Variants in SNTG1 observed in about 807,000 individuals in gnomAD.
SNTG1 encodes gamma-1-syntrophin.
In SNTG1, 39 loss-of-function variants were observed where a neutral mutation model predicts 74.7. The observed-to-expected ratio is 0.52, with a 90% CI of 0.40 to 0.68. The LOEUF is 0.68. Ranked by LOEUF, SNTG1 falls within the 30% of genes least tolerant of loss-of-function variation. The probability of loss-of-function intolerance (pLI) is 0.00; values close to 1 mark genes in which losing one functional copy is unlikely to be tolerated. For synonymous variants in SNTG1, 254 were observed against 217.1 expected, an observed-to-expected ratio of 1.17 and a Z score of -1.49; for missense variants, 685 against 609.5, an observed-to-expected ratio of 1.12 and a Z score of -1.30.
In SNTG1 at chr8:50,587,040, A is replaced by G. The variant is rs558789437; in HGVS notation, c.811-3839A>G. Reference sequence around the variant, plus strand: ...GTCATACACATATGTCTACTTATGTATGCACATTAAACATAAAATCAATTT... The same window carrying G: ...GTCATACACATATGTCTACTTATGTGTGCACATTAAACATAAAATCAATTT... On this transcript the variant is annotated intron_variant, in intron 12 of 18. Coordinates refer to ENST00000642720, the MANE Select transcript of SNTG1 (RefSeq NM_018967.5). Among the ~76,000 whole-genome samples, 17 of 152,236 alleles carry G rather than the reference A, an allele frequency of 1.1e-4. No individual in the cohort carries two copies. In the South Asian group the frequency reaches 3.1e-3, roughly 28 times the overall value.
At chr8:50,307,320 T>G (rs941749045) in intron 2 of SNTG1, among the ~76,000 whole-genome samples, 3 of 152,114 alleles carry the variant, frequency 2.0e-5, no homozygotes, top group Non-Finnish European at 2.9e-5. Flanking sequence ...CCTAGGGTTA[T>G]ATGAGATATT....
intron 17 of SNTG1, among the ~76,000 whole-genome samples, chr8:50,719,666 A>G (rs1017531534): frequency 2.0e-5 from 3 of 152,174 alleles, no homozygotes; most frequent in African/African-American, 4.8e-5. Context: ...ACAGCATACC[A>G]TGACCAGTAG....
chr8:50,749,988 T>C (rs1227952741), intron 17 of SNTG1, among the ~76,000 whole-genome samples: 3 of 152,030 alleles, frequency 2.0e-5, no homozygotes, highest in Admixed American at 6.6e-5. Context: ...ATAGATAACA[T>C]AGATAAAGTG....
intron 1 of SNTG1, among the ~76,000 whole-genome samples, chr8:49,981,129 G>A (rs1433865980): frequency 6.6e-6 from 1 of 152,186 alleles, no homozygotes; most frequent in East Asian, 1.9e-4. Flanking sequence ...GCAGGCCAGG[G>A]TATTAATCTG....
At chr8:50,335,167 C>T (rs554188867) in intron 2 of SNTG1, among the ~76,000 whole-genome samples, 52 of 152,220 alleles carry the variant, frequency 3.4e-4, no homozygotes, top group African/African-American at 7.9e-4. Context: ...TGTGTTGTTT[C>T]TTCTCCTTGT....
intron 17 of SNTG1, among the ~76,000 whole-genome samples, chr8:50,736,432 T>C (rs538542726): frequency 6.6e-6 from 1 of 152,120 alleles, no homozygotes; most frequent in East Asian, 1.9e-4. Flanking sequence ...TAAAGCAAGT[T>C]CTTAGAGATG....
At chr8:50,655,826 A>G (rs754835653) in intron 13 of SNTG1, among the ~76,000 whole-genome samples, 21 of 152,192 alleles carry the variant, frequency 1.4e-4, no homozygotes, top group Non-Finnish European at 2.9e-4. Flanking sequence ...GAATACAACA[A>G]TAAGTATTTC....
At chr8:49,939,136 C>A (rs1808446356) in intron 1 of SNTG1, among the ~76,000 whole-genome samples, 1 of 152,020 alleles carries the variant, frequency 6.6e-6, no homozygotes, top group African/African-American at 2.4e-5. Flanking sequence ...ATGGCCATTT[C>A]AATTTATACT....
In SNTG1 at chr8:50,484,195, TCC is replaced by T. The variant is rs1198949677; in HGVS notation, c.364-18582_364-18581del. Among the ~76,000 whole-genome samples the T allele has an allele frequency of 3.6e-3, 478 of 131,302 alleles. 7 individuals are homozygous for T. Among genetic ancestry groups the T allele is most frequent in the African/African-American group, 6.7e-3 (242 of 36,194 alleles). The allele number at this position is 131,302 out of a possible 152,430, so 86.1% of individuals were successfully genotyped here. On this transcript the variant is annotated intron_variant, in intron 8 of 18. Coordinates refer to ENST00000642720, the MANE Select transcript of SNTG1 (RefSeq NM_018967.5). The stretch of plus-strand genomic sequence containing the variant: ...TTCCTTCCTTCCTTCCTTCCTTCCT[TCC>T]TTCCTTCCTTCCTTCCTTCTTTCTT...
intron 1 of SNTG1, among the ~76,000 whole-genome samples, chr8:50,160,769 A>G (rs1421544460): frequency 6.6e-6 from 1 of 152,180 alleles, no homozygotes. Flanking sequence ...CTTATTTGAT[A>G]CTCATAGGGA....
chr8:50,558,159 C>T (rs560990911), intron 12 of SNTG1, among the ~76,000 whole-genome samples: 1 of 152,300 alleles, frequency 6.6e-6, no homozygotes, highest in South Asian at 2.1e-4. Context: ...GCCACAAAAA[C>T]TAATTTTTCC....
intron 12 of SNTG1, among the ~76,000 whole-genome samples, chr8:50,587,553 A>G (rs1257246167): frequency 6.6e-6 from 1 of 152,204 alleles, no homozygotes; most frequent in Admixed American, 6.5e-5. Context: ...GGCCGGGCGC[A>G]GTGGCTCACG....
chr8:50,502,303 G>C (rs1412860318), intron 8 of SNTG1, among the ~76,000 whole-genome samples: 1 of 152,102 alleles, frequency 6.6e-6, no homozygotes. Context: ...GTCAATATTG[G>C]CAGAATCAGA....
chr8:50,141,813 T>A (rs999570948), intron 1 of SNTG1, among the ~76,000 whole-genome samples: 4 of 152,152 alleles, frequency 2.6e-5, no homozygotes, highest in African/African-American at 9.7e-5. Context: ...TATCTCATGA[T>A]AAAGATTCAG....
At chr8:50,489,570 C>G (rs574243178) in intron 8 of SNTG1, among the ~76,000 whole-genome samples, 5 of 152,316 alleles carry the variant, frequency 3.3e-5, no homozygotes, top group Admixed American at 3.3e-4. Flanking sequence ...GCATAAATGT[C>G]TTCTTTTGAG....
At chr8:50,137,162 T>A (rs561312304) in intron 1 of SNTG1, among the ~76,000 whole-genome samples, 1 of 152,264 alleles carries the variant, frequency 6.6e-6, no homozygotes, top group South Asian at 2.1e-4. Context: ...TATTTAAACA[T>A]CCTCCCATGC....
chr8:50,115,648 G>A (rs984434770), intron 1 of SNTG1, among the ~76,000 whole-genome samples: 7 of 150,404 alleles, frequency 4.7e-5, no homozygotes, highest in African/African-American at 1.7e-4. Flanking sequence ...AAGGAGACAA[G>A]TGATGACAAA....
intron 4 of SNTG1, among the ~76,000 whole-genome samples, chr8:50,417,679 T>A (rs2093031705): frequency 6.6e-6 from 1 of 152,152 alleles, no homozygotes; most frequent in Non-Finnish European, 1.5e-5. Context: ...TCTCTCCAAG[T>A]GTATCCAATA....
intron 2 of SNTG1, among the ~76,000 whole-genome samples, chr8:50,211,493 A>G (rs991414207): frequency 1.3e-5 from 2 of 152,136 alleles, no homozygotes; most frequent in African/African-American, 4.8e-5. Flanking sequence ...TCCTGAGAGC[A>G]ACACTGTAAA....
Sources: allele counts gnomAD v4.1 joint callset (sites outside exome capture counted in the v4.1 genomes callset), GRCh38; gene constraint gnomAD v4.1.1; transcripts MANE v1.5; gene names NCBI Gene and HGNC (gene_info 2026-07-23, HGNC 2026-07-21).